The following STON2 variants were observed in gnomAD, a reference collection of about 807,000 sequenced individuals.
STON2 encodes the protein stonin-2.
A neutral mutation model predicts 65.7 loss-of-function variants in STON2; 29 were observed. The observed-to-expected ratio is 0.44, with a 90% CI of 0.33 to 0.60. The LOEUF (loss-of-function observed/expected upper bound fraction) is 0.60, where lower values mean the gene tolerates loss of function less well. Ranked by LOEUF, STON2 falls within the 20% of genes least tolerant of loss-of-function variation. The pLI, the probability that STON2 is intolerant of heterozygous loss-of-function variation, is 0.03. For missense variants in STON2, 1,054 were observed against 1,118.1 expected (o/e 0.94, Z 0.82); for synonymous variants, 404 against 414.2 (o/e 0.98, Z 0.30).
chr14:81,278,184 T>A lies in STON2; in HGVS notation c.1298A>T (p.Gln433Leu), dbSNP rs1894945811. ...TTTTTCAACAGCATCAGAGTGTGAC[T>A]GGGTTTTGCTTGAATCATCAAAACT... ...AISFDDSSKTQSHSDAVEKLK... is the reference protein window; with the variant it reads ...AISFDDSSKTLSHSDAVEKLK... Residue 433 changes from glutamine to leucine, a missense_variant, in exon 6 of 8, where the codon CAG becomes CTG. Physicochemically the swap from Gln to Leu is moderately radical, Grantham distance 113. Transcript: ENST00000614646. 1 of 1,614,204 alleles carries A rather than the reference T, an allele frequency of 6.2e-7. No homozygotes were observed. The highest frequency in any genetic ancestry group is 8.5e-7 in the Non-Finnish European group (1 of 1,180,028).
intron 3 of STON2, among the ~76,000 whole-genome samples, chr14:81,384,560 T>C (rs1899699818): frequency 6.6e-6 from 1 of 152,184 alleles, no homozygotes; most frequent in African/African-American, 2.4e-5. Flanking sequence ...ATTTACTTCT[T>C]TAGTGTGTTT....
intron 3 of STON2, among the ~76,000 whole-genome samples, chr14:81,389,717 A>G (rs1055067910): frequency 2.6e-5 from 4 of 152,240 alleles, no homozygotes; most frequent in Admixed American, 6.5e-5. Context: ...ACTGGATAAA[A>G]CTGAGTAAGA....
chr14:81,322,339 T>C (rs879323856), intron 5 of STON2, among the ~76,000 whole-genome samples: 2 of 152,238 alleles, frequency 1.3e-5, no homozygotes, highest in Non-Finnish European at 2.9e-5. Flanking sequence ...CGACTTACAG[T>C]GGCTTCTATT....
intron 5 of STON2, among the ~76,000 whole-genome samples, chr14:81,287,181 G>C (rs142479435): frequency 6.6e-6 from 1 of 152,146 alleles, no homozygotes; most frequent in Non-Finnish European, 1.5e-5. Context: ...TCTAACGTGC[G>C]TAAAATATGC....
chr14:81,393,977 G>T (rs533631797), intron 3 of STON2, among the ~76,000 whole-genome samples: 1 of 152,306 alleles, frequency 6.6e-6, no homozygotes, highest in African/African-American at 2.4e-5. Flanking sequence ...ATCACCTGAG[G>T]TCAAGGAGTT....
chr14:81,358,125 T>C (rs1449391219), intron 4 of STON2, among the ~76,000 whole-genome samples: 5 of 152,176 alleles, frequency 3.3e-5, no homozygotes, highest in Admixed American at 6.5e-5. Flanking sequence ...ACTCTAAATG[T>C]ACTATAATGA....
chr14:81,283,833 C>T (rs1013824876), intron 5 of STON2, among the ~76,000 whole-genome samples: 2 of 152,178 alleles, frequency 1.3e-5, no homozygotes, highest in Non-Finnish European at 2.9e-5. Flanking sequence ...CCAGCAGATA[C>T]TGCATTTTTT....
intron 4 of STON2, among the ~76,000 whole-genome samples, chr14:81,347,296 C>T (rs1365406880): frequency 1.3e-5 from 2 of 151,998 alleles, no homozygotes; most frequent in Admixed American, 1.3e-4. Flanking sequence ...TTATGAACAT[C>T]TATATGTGAA....
chr14:81,270,568 C>A (rs1248832998), intron 7 of STON2, 102 bp downstream of exon 7: 1 of 1,604,196 alleles, frequency 6.2e-7, no homozygotes, highest in South Asian at 1.1e-5. Context: ...TAAGAGGTTA[C>A]CAGGCGAACA....
At position 81,345,194 on chromosome 14, in the gene STON2, T is replaced by C. The variant is rs138923582; in HGVS notation, c.572-21007A>G. ...AGGAAACTTCTGAATTGTAGTTACA[T>C]AGTATTATGGGCTGAATTGTGTCCC... On this transcript the variant is annotated intron_variant, in intron 4 of 7. Coordinates refer to ENST00000614646, the MANE Select transcript of STON2 (RefSeq NM_001394390.1). Among the ~76,000 whole-genome samples the C allele has an allele frequency of 4.7e-4, 71 of 152,334 alleles. 1 individual carries two copies. In the South Asian group the frequency reaches 0.012, roughly 26 times the overall value.
chr14:81,365,731 G>A (rs1226494746), intron 4 of STON2, among the ~76,000 whole-genome samples: 3 of 152,026 alleles, frequency 2.0e-5, no homozygotes, highest in Non-Finnish European at 4.4e-5. Context: ...ACTCTAGCCT[G>A]GGTGACAGAA....
At chr14:81,413,017 G>A in intron 2 of STON2, 1 of 1,082,008 alleles carries the variant, frequency 9.2e-7, no homozygotes, top group South Asian at 1.4e-5. Context: ...TGTCGGAAGA[G>A]ACGCAGCAGA....
At chr14:81,287,307 C>T (rs1895372367) in intron 5 of STON2, among the ~76,000 whole-genome samples, 2 of 152,152 alleles carry the variant, frequency 1.3e-5, no homozygotes, top group Non-Finnish European at 2.9e-5. Context: ...AAAGAGGACG[C>T]CAGAGGATAA....
chr14:81,263,774 C>CT lies in STON2; in HGVS notation c.*4639dup. On this transcript the variant is annotated 3_prime_UTR_variant, in exon 8 of 8. Coordinates refer to ENST00000614646, the MANE Select transcript of STON2 (RefSeq NM_001394390.1). ...GTTACCACTCGAACTGGGAGCATTT[C>CT]TATAAGCAGGCTGGATGGTAGTGCT... The CT allele has an allele frequency of 1.0e-6, 1 of 985,352 alleles. No individual in the cohort carries two copies. Among genetic ancestry groups the CT allele is most frequent in the Non-Finnish European group, 1.2e-6 (1 of 829,930 alleles). 61.0% of individuals were successfully genotyped at this position (985,352 alleles called of 1,614,324 possible).
intron 5 of STON2, among the ~76,000 whole-genome samples, chr14:81,302,054 G>T (rs1390736090): frequency 1.3e-5 from 2 of 152,138 alleles, no homozygotes; most frequent in Non-Finnish European, 2.9e-5. Context: ...GTCCCAATCA[G>T]AGTGGTTTAT....
intron 2 of STON2, among the ~76,000 whole-genome samples, chr14:81,426,511 C>T (rs1901982456): frequency 6.6e-6 from 1 of 152,120 alleles, no homozygotes; most frequent in East Asian, 1.9e-4. Context: ...TCTCACCTGA[C>T]TTCTCCTGGT....
chr14:81,411,930 T>C (rs78254753), intron 2 of STON2, among the ~76,000 whole-genome samples: 5,100 of 101,392 alleles, frequency 0.05, 1,394 homozygotes, highest in African/African-American at 0.25. Flanking sequence ...GACATTTAAC[T>C]ATCATCTCAA....
rs1298723551 is a variant in STON2 at position 81,266,052 on chromosome 14, T to C, written c.*2362A>G. 2.0e-6 allele frequency: 2 copies of C among 985,332 alleles called. No homozygotes were observed. 61.0% of individuals were successfully genotyped at this position (985,332 alleles called of 1,614,324 possible). A position where few individuals can be genotyped will look rare whatever the true frequency, so the allele number is the denominator to read the frequency against. ...GACAAAAACCTCAAAGGAACTCCAC[T>C]GTATTTCAAAGAGCATGAAAAACCA... On this transcript the variant is annotated 3_prime_UTR_variant, in exon 8 of 8. Coordinates refer to ENST00000614646, the MANE Select transcript of STON2 (RefSeq NM_001394390.1).
intron 5 of STON2, among the ~76,000 whole-genome samples, chr14:81,301,166 G>T (rs2140183147): frequency 6.6e-6 from 1 of 152,036 alleles, no homozygotes; most frequent in South Asian, 2.1e-4. Context: ...TTTAATAATA[G>T]AAATAATTAA....
Sources: allele counts gnomAD v4.1 joint callset (sites outside exome capture counted in the v4.1 genomes callset), GRCh38; gene constraint gnomAD v4.1.1; transcripts MANE v1.5; gene names NCBI Gene and HGNC (gene_info 2026-07-23, HGNC 2026-07-21).